BABAM2: variants seen among roughly 807,000 people sequenced by gnomAD.
The protein encoded by BABAM2 is BRISC and BRCA1 A complex member 2.
In BABAM2, 31 loss-of-function variants were observed where a neutral mutation model predicts 54.7. The observed-to-expected ratio is 0.57, with a 90% CI of 0.43 to 0.77. The LOEUF is 0.77. BABAM2 is among the 30% of genes least tolerant of loss of function. BABAM2 has a pLI of 0.00. For missense variants in BABAM2, 364 were observed against 455.8 expected, an observed-to-expected ratio of 0.80 and a Z score of 1.83; for synonymous variants, 167 against 162.9, an observed-to-expected ratio of 1.03 and a Z score of -0.19.
intron 2 of BABAM2, among the ~76,000 whole-genome samples, chr2:27,926,630 A>G (rs72810589): frequency 0.074 from 11,236 of 152,142 alleles, 689 homozygotes; most frequent in African/African-American, 0.16. Flanking sequence ...TCTCTTGTTT[A>G]TCGTTTTCTT....
intron 11 of BABAM2, among the ~76,000 whole-genome samples, chr2:28,301,861 T>C (rs1688130865): frequency 6.6e-6 from 1 of 152,220 alleles, no homozygotes; most frequent in Non-Finnish European, 1.5e-5. Flanking sequence ...TTTGCATATA[T>C]ATCTTTTTTT....
At chr2:28,103,975 T>G (rs1031936396) in intron 6 of BABAM2, among the ~76,000 whole-genome samples, 4 of 152,068 alleles carry the variant, frequency 2.6e-5, no homozygotes, top group African/African-American at 9.7e-5. Context: ...ATAAACTCAA[T>G]AAACTCATTT....
chr2:28,168,052 G>T (rs901840745), intron 7 of BABAM2, among the ~76,000 whole-genome samples: 2 of 152,128 alleles, frequency 1.3e-5, no homozygotes, highest in Non-Finnish European at 2.9e-5. Context: ...GCTAATACCT[G>T]GAAAGACTTT....
At chr2:27,945,378 G>T (rs553814246) in intron 3 of BABAM2, among the ~76,000 whole-genome samples, 2 of 152,008 alleles carry the variant, frequency 1.3e-5, no homozygotes, top group South Asian at 4.2e-4. Context: ...TTAAGTGTGG[G>T]TCTATTTCTG....
chr2:28,311,938 A>T (rs1028951483), intron 11 of BABAM2, among the ~76,000 whole-genome samples: 2 of 152,238 alleles, frequency 1.3e-5, no homozygotes, highest in African/African-American at 4.8e-5. Context: ...TATGCCCTGA[A>T]CACACACCCA....
chr2:27,966,706 C>T (rs1403294193), intron 3 of BABAM2, among the ~76,000 whole-genome samples: 2 of 152,150 alleles, frequency 1.3e-5, no homozygotes, highest in African/African-American at 4.8e-5. Context: ...TCTGGCTGGC[C>T]GTAGTGAGTT....
At chr2:28,082,172 G>C (rs1433328041) in intron 6 of BABAM2, among the ~76,000 whole-genome samples, 1 of 152,178 alleles carries the variant, frequency 6.6e-6, no homozygotes, top group African/African-American at 2.4e-5. Flanking sequence ...TAATTTGAAA[G>C]TGAAGAGCAA....
chr2:27,976,001 C>T (rs1201841040), intron 3 of BABAM2, among the ~76,000 whole-genome samples: 1 of 151,970 alleles, frequency 6.6e-6, no homozygotes, highest in Non-Finnish European at 1.5e-5. Flanking sequence ...TATGAGATGC[C>T]ATGATGTACC....
At chr2:28,073,265 C>T (rs1299943893) in intron 6 of BABAM2, among the ~76,000 whole-genome samples, 1 of 152,096 alleles carries the variant, frequency 6.6e-6, no homozygotes, top group Admixed American at 6.6e-5. Flanking sequence ...GAGGCTGAGG[C>T]AGGAGGATTG....
At chr2:28,201,916 AAGTCAC>A (rs2147957078) in intron 7 of BABAM2, among the ~76,000 whole-genome samples, 1 of 130,888 alleles carries the variant, frequency 7.6e-6, no homozygotes, top group Non-Finnish European at 1.6e-5. Flanking sequence ...AAGATCTCTG[AAGTCAC>A]AGTACAGATA....
intron 2 of BABAM2, among the ~76,000 whole-genome samples, chr2:27,900,511 TTA>T (rs1468268451): frequency 6.6e-6 from 1 of 152,170 alleles, no homozygotes; most frequent in East Asian, 1.9e-4. Flanking sequence ...CTTGTTTAAT[TTA>T]TGTTTATACC....
intron 11 of BABAM2, among the ~76,000 whole-genome samples, chr2:28,328,404 A>G (rs930189447): frequency 2.0e-5 from 3 of 152,170 alleles, no homozygotes; most frequent in African/African-American, 4.8e-5. Context: ...ACTTGCCTCT[A>G]TTTGCAAAAA....
At chr2:28,114,948 A>G (rs76992206) in intron 6 of BABAM2, among the ~76,000 whole-genome samples, 89 of 152,294 alleles carry the variant, frequency 5.8e-4, no homozygotes, top group African/African-American at 2.0e-3. Context: ...TTGAAACAGT[A>G]ATTTACTGGC....
intron 6 of BABAM2, among the ~76,000 whole-genome samples, chr2:28,075,626 T>G (rs1664595662): frequency 6.6e-6 from 1 of 151,904 alleles, no homozygotes; most frequent in Non-Finnish European, 1.5e-5. Flanking sequence ...GTCACCTGCT[T>G]TTGCTGATTG....
chr2:27,986,233 A>G (rs1179466363), intron 3 of BABAM2, among the ~76,000 whole-genome samples: 2 of 152,200 alleles, frequency 1.3e-5, no homozygotes, highest in African/African-American at 2.4e-5. Flanking sequence ...TAGCACATTA[A>G]GAATATTTAC....
chr2:28,058,790 A>G (rs1188309747), intron 6 of BABAM2, among the ~76,000 whole-genome samples: 1 of 152,184 alleles, frequency 6.6e-6, no homozygotes, highest in Non-Finnish European at 1.5e-5. Context: ...GTTGAATCTA[A>G]TGATAGAAAT....
chr2:28,316,131 G>T (rs1435455083), intron 11 of BABAM2, among the ~76,000 whole-genome samples: 1 of 152,040 alleles, frequency 6.6e-6, no homozygotes, highest in Admixed American at 6.6e-5. Context: ...CAGTATTGAG[G>T]ACATACTTAT....
At chr2:27,933,251 C>T (rs866959080) in intron 3 of BABAM2, among the ~76,000 whole-genome samples, 3 of 151,972 alleles carry the variant, frequency 2.0e-5, no homozygotes, top group South Asian at 2.1e-4. Context: ...TGTTGGATAT[C>T]GTCATTATAC....
At chr2:28,295,711 G>C (rs935826674) in intron 10 of BABAM2, among the ~76,000 whole-genome samples, 2 of 151,956 alleles carry the variant, frequency 1.3e-5, no homozygotes, top group African/African-American at 4.8e-5. Context: ...TGGCCGGGCT[G>C]GTCTCGAACT....
Sources: allele counts gnomAD v4.1 joint callset (sites outside exome capture counted in the v4.1 genomes callset), GRCh38; gene constraint gnomAD v4.1.1; transcripts MANE v1.5; gene names NCBI Gene and HGNC (gene_info 2026-07-23, HGNC 2026-07-21).